The following CEP164 variants were observed in gnomAD, a reference collection of about 807,000 sequenced individuals.
CEP164 encodes centrosomal protein of 164 kDa.
A neutral mutation model predicts 182.7 loss-of-function variants in CEP164; 162 were observed. That is an observed-to-expected ratio of 0.89 (90% CI 0.78 to 1.01). The LOEUF (loss-of-function observed/expected upper bound fraction) is 1.01. Ranked by LOEUF, CEP164 falls within the 50% of genes least tolerant of loss-of-function variation. The pLI is 0.00. For synonymous variants in CEP164, 661 were observed against 690.0 expected (o/e 0.96, Z 0.66); for missense variants, 1,735 against 1,790.4 (o/e 0.97, Z 0.56).
chr11:117,325,073 C>CTTTA (rs574952082), upstream of CEP164, among the ~76,000 whole-genome samples: 649 of 151,938 alleles, frequency 4.3e-3, 8 homozygotes, highest in Middle Eastern at 3.4e-3. Flanking sequence ...TCAGTGAGAC[C>CTTTA]TTTATTTATT....
chr11:117,342,508 C>G (rs896204117), intron 3 of CEP164, among the ~76,000 whole-genome samples: 1 of 151,902 alleles, frequency 6.6e-6, no homozygotes, highest in African/African-American at 2.4e-5. Flanking sequence ...CAGGATTTCA[C>G]TCTTGTTGCC....
At chr11:117,390,740 GTT>G in intron 15 of CEP164, 35 bp from the exon 16 acceptor site, 3 of 1,613,054 alleles carry the variant, frequency 1.9e-6, no homozygotes, top group Non-Finnish European at 2.5e-6. Context: ...GACCTTTGTG[GTT>G]TCTCTGACAA....
chr11:117,402,306 T>C (rs1328329612), intron 27 of CEP164, among the ~76,000 whole-genome samples: 2 of 151,944 alleles, frequency 1.3e-5, no homozygotes, highest in Non-Finnish European at 2.9e-5. Context: ...ACGCAAACTC[T>C]GCCTCCCAGA....
chr11:117,404,230 G>A (rs957546701), intron 27 of CEP164, among the ~76,000 whole-genome samples: 9 of 152,170 alleles, frequency 5.9e-5, no homozygotes, highest in African/African-American at 2.2e-4. Context: ...GAGGAGAACA[G>A]ACATTCTTGT....
At chr11:117,396,714 A>G (rs2045520411) in intron 26 of CEP164, 103 bp downstream of exon 26, 1 of 947,464 alleles carries the variant, frequency 1.1e-6, no homozygotes, top group East Asian at 2.4e-5. Context: ...GGAGACGGTG[A>G]TCACCAGTGG....
chr11:117,404,569 C>T (rs2046468113), intron 27 of CEP164, among the ~76,000 whole-genome samples: 1 of 152,312 alleles, frequency 6.6e-6, no homozygotes, highest in African/African-American at 2.4e-5. Context: ...CTGGAGCTCT[C>T]CTGTATGAGG....
chr11:117,408,955 C>T lies in CEP164; in HGVS notation c.3675C>T (p.Asp1225=). The change falls in exon 29 of 33, where the codon GAC becomes GAT. Residue 1225 remains aspartate, a synonymous_variant. Transcript: ENST00000278935. ...AGGCAGTAACCTTCGACCTCAGTGA[C>T]ATGGACAGCCTGAGCAGTGAAAGTT... The part of the protein sequence containing the change: ...TKKAVTFDLS[D]MDSLSSESSE... 6.2e-7 allele frequency: 1 copy of T among 1,614,108 alleles called. No homozygotes were observed. Among genetic ancestry groups the T allele is most frequent in the Non-Finnish European group, 8.5e-7 (1 of 1,180,024 alleles).
intron 3 of CEP164, among the ~76,000 whole-genome samples, chr11:117,341,287 C>T (rs2038073915): frequency 6.6e-6 from 1 of 152,144 alleles, no homozygotes; most frequent in Non-Finnish European, 1.5e-5. Context: ...ATCTCAGTAG[C>T]TTCCTAATTA....
intron 1 of CEP164, among the ~76,000 whole-genome samples, chr11:117,330,899 A>C (rs180773482): frequency 6.6e-6 from 1 of 152,346 alleles, no homozygotes; most frequent in Non-Finnish European, 1.5e-5. Flanking sequence ...TTTATAGATG[A>C]GAAAACTGAG....
At chr11:117,397,354 G>T in intron 27 of CEP164, 41 bp downstream of exon 27, 1 of 1,566,546 alleles carries the variant, frequency 6.4e-7, no homozygotes, top group Non-Finnish European at 8.7e-7. Context: ...CTGTGTGGGG[G>T]AGGCGGGGGG....
Position 117,397,192 on chromosome 11 carries a change from G to A in CEP164, c.3380G>A (p.Arg1127Gln), listed in dbSNP as rs753895198. The A allele has an allele frequency of 9.9e-6, 16 of 1,614,082 alleles. No individual in the cohort carries two copies. The highest frequency in any genetic ancestry group is 8.3e-5 in the Admixed American group (5 of 60,010). Residue 1127 changes from arginine to glutamine, a missense_variant, in exon 27 of 33, where the codon CGG becomes CAG. Arg to Gln is a conservative substitution (Grantham distance 43). Coordinates refer to ENST00000278935, the MANE Select transcript of CEP164 (RefSeq NM_014956.5). Reference protein sequence around the residue: ...LVQQTRSMRRRQTALKAAQQH... With the variant: ...LVQQTRSMRRQQTALKAAQQH... Reference sequence around the variant, plus strand: ...CAGCAGACACGCTCCATGCGGAGGCGGCAGACAGCTCTGAAAGCTGCCCAG... The same window carrying A: ...CAGCAGACACGCTCCATGCGGAGGCAGCAGACAGCTCTGAAAGCTGCCCAG...
chr11:117,334,732 C>T (rs1192394323), intron 1 of CEP164, among the ~76,000 whole-genome samples: 1 of 141,358 alleles, frequency 7.1e-6, no homozygotes, highest in Non-Finnish European at 1.5e-5. Flanking sequence ...TTGCAGTGAA[C>T]CAAGATCGTG....
chr11:117,341,802 G>C (rs2038168852), intron 3 of CEP164, among the ~76,000 whole-genome samples: 1 of 152,172 alleles, frequency 6.6e-6, no homozygotes, highest in African/African-American at 2.4e-5. Flanking sequence ...CTTTGCACCT[G>C]TGCTTCTTCT....
At chr11:117,361,027 C>T (rs1170398151) in intron 5 of CEP164, among the ~76,000 whole-genome samples, 15 of 150,566 alleles carry the variant, frequency 1.0e-4, no homozygotes, top group Admixed American at 5.3e-4. Flanking sequence ...CTCCGCCTCC[C>T]GGGTTCAAGT....
intron 1 of CEP164, among the ~76,000 whole-genome samples, chr11:117,322,403 C>G (rs1041561726): frequency 6.6e-6 from 1 of 152,150 alleles, no homozygotes; most frequent in Non-Finnish European, 1.5e-5. Context: ...CGTGAGCCAC[C>G]GCGCCCGGCC....
In CEP164 at chr11:117,412,521, T is replaced by C; in HGVS notation, c.*353T>C. ...AGTCCCTTTGGAGCTGGTTGTTTCC[T>C]TGGCCCTGCAGCGCACTGCTCGGGG... is the stretch of plus-strand genomic sequence containing the variant. On this transcript the variant is annotated 3_prime_UTR_variant, in exon 33 of 33. Transcript: ENST00000278935. 4.2e-6 allele frequency: 1 copy of C among 236,246 alleles called. No individual in the cohort carries two copies. Among genetic ancestry groups the C allele is most frequent in the South Asian group, 6.4e-5 (1 of 15,718 alleles). The allele number at this position is 236,246 out of a possible 1,614,324, so 14.6% of individuals were successfully genotyped here. A position where few individuals can be genotyped will look rare whatever the true frequency, so the allele number is the denominator to read the frequency against.
chr11:117,391,742 G>A lies in CEP164; in HGVS notation c.2284-484G>A, dbSNP rs80053944. ...CTCCCTCTTCTACTCCAGTCAGATG[G>A]TGGGCTTCTGAAGGTTTTAGCACAG... On this transcript the variant is annotated intron_variant, in intron 17 of 32. Transcript: ENST00000278935. Among the ~76,000 whole-genome samples the A allele has an allele frequency of 2.4e-3, 368 of 152,248 alleles. 3 individuals carry two copies. Among genetic ancestry groups the A allele is most frequent in the African/African-American group, 8.5e-3 (351 of 41,528 alleles).
intron 9 of CEP164, among the ~76,000 whole-genome samples, chr11:117,371,742 C>T (rs1243139161): frequency 6.6e-6 from 1 of 151,788 alleles, no homozygotes; most frequent in East Asian, 1.9e-4. Flanking sequence ...CTGGAATGTT[C>T]ATTTTCTTTT....
At position 117,382,776 on chromosome 11, in the gene CEP164, G is replaced by A; in HGVS notation, c.1578-20G>A. 1 of 1,612,688 alleles carries A rather than the reference G, an allele frequency of 6.2e-7. No individual in the cohort carries two copies. Among genetic ancestry groups the A allele is most frequent in the African/African-American group, 1.3e-5 (1 of 75,006 alleles). On this transcript the variant is annotated intron_variant, in intron 13 of 32. Transcript: ENST00000278935. ...CTTTCTTACTGGCTTTAACACAGTT[G>A]TTTCCTTACTGCTATCAAGGGAGCA...
Sources: gnomAD v4.1 joint callset for allele counts (sites outside exome capture counted in the v4.1 genomes callset) on GRCh38, gnomAD v4.1.1 for gene constraint, MANE v1.5 for transcripts, NCBI Gene and HGNC (gene_info 2026-07-23, HGNC 2026-07-21) for gene names.